The following FASTKD2 variants were observed in gnomAD, a reference collection of about 807,000 sequenced individuals.
The protein encoded by FASTKD2 is FAST kinase domain-containing protein 2, mitochondrial.
FASTKD2 carries 51 observed loss-of-function variants against 63.6 expected under a neutral mutation model. That is an observed-to-expected ratio of 0.80 (90% CI 0.64 to 1.01). The LOEUF is 1.01. Among genes scored for constraint, FASTKD2 ranks in the 50% least tolerant of loss-of-function variants. FASTKD2 has a pLI of 0.00. For synonymous variants in FASTKD2, 284 were observed against 293.4 expected (o/e 0.97, Z 0.33); for missense variants, 786 against 831.1 (o/e 0.95, Z 0.67).
At chr2:206,781,592 A>G (rs979820902) in intron 7 of FASTKD2, among the ~76,000 whole-genome samples, 2 of 151,596 alleles carry the variant, frequency 1.3e-5, no homozygotes, top group African/African-American at 4.8e-5. Context: ...CTGGGATTAC[A>G]GGCATGAGCC....
Position 206,772,171 on chromosome 2 carries a change from A to G in FASTKD2, c.1115-10A>G, listed in dbSNP as rs747618392. On this transcript the variant is annotated splice_polypyrimidine_tract_variant and intron_variant, in intron 5 of 11. Transcript: ENST00000402774. ...TAATTTTTGTTTGTTTATTTAACTC[A>G]TTCTTCAAGATAATATCCATGGGTG... 36 of 1,610,756 alleles carry G rather than the reference A, an allele frequency of 2.2e-5. No individual in the cohort carries two copies. The highest frequency in any genetic ancestry group is 1.3e-4 in the African/African-American group (10 of 74,874).
In FASTKD2 at chr2:206,767,318, A is replaced by C. The variant is rs146763857; in HGVS notation, c.625A>C (p.Ser209Arg). The change falls in exon 2 of 12, where the codon AGC (serine) becomes CGC (arginine). Residue 209 changes from serine (S) to arginine (R), a missense_variant. Coordinates refer to ENST00000402774, the MANE Select transcript of FASTKD2 (RefSeq NM_001136193.2). ...QKRFEKRLMF[S>R]HPAFNQLCEH... ...GCGCTTTGAAAAACGACTGATGTTT[A>C]GCCACCCTGCATTTAATCAGCTCTG... 1.9e-5 allele frequency: 31 copies of C among 1,614,084 alleles called. No individual in the cohort carries two copies. In the African/African-American group the frequency reaches 4.1e-4, roughly 22 times the overall value.
chr2:206,770,160 T>A lies in FASTKD2; in HGVS notation c.847T>A (p.Cys283Ser). 6.2e-7 allele frequency: 1 copy of A among 1,610,880 alleles called. No homozygotes were observed. Among genetic ancestry groups the A allele is most frequent in the Admixed American group, 1.7e-5 (1 of 60,020 alleles). Residue 283 changes from cysteine (C) to serine (S), a missense_variant, in exon 3 of 12, where the codon TGC becomes AGC. Cys to Ser is a moderately radical substitution (Grantham distance 112, BLOSUM62 -1). Transcript: ENST00000402774. ...LSTVLEAMEP[C>S]KNVHVLRTGF... is the part of the protein sequence containing the mutation. ...AACTGTTTTAGAGGCAATGGAACCA[T>A]GCAAGAATGTTCATGTTCTACGAAC... is the stretch of plus-strand genomic sequence containing the variant.
chr2:206,766,315 A>G (rs1428684719), intron 1 of FASTKD2, among the ~76,000 whole-genome samples: 1 of 151,338 alleles, frequency 6.6e-6, no homozygotes, highest in Non-Finnish European at 1.5e-5. Context: ...TGATCTATCA[A>G]TGCTAATCCC....
intron 1 of FASTKD2, among the ~76,000 whole-genome samples, chr2:206,766,031 G>C (rs1189002578): frequency 6.6e-6 from 1 of 151,920 alleles, no homozygotes; most frequent in African/African-American, 2.4e-5. Context: ...AGGCCGAGGC[G>C]GGTGGATTAC....
intron 7 of FASTKD2, among the ~76,000 whole-genome samples, chr2:206,776,226 A>G (rs1264866465): frequency 6.6e-6 from 1 of 151,740 alleles, no homozygotes; most frequent in Non-Finnish European, 1.5e-5. Flanking sequence ...AGCAATAAGC[A>G]TAAATATATG....
chr2:206,775,837 A>G (rs80241580), intron 7 of FASTKD2, among the ~76,000 whole-genome samples: 1,907 of 152,078 alleles, frequency 0.013, 42 homozygotes, highest in African/African-American at 0.043. Context: ...TTGTAGTCCT[A>G]TCAACATTGT....
In FASTKD2 at chr2:206,771,183, A is replaced by T; in HGVS notation, c.883A>T (p.Ile295Leu). The T allele has an allele frequency of 1.3e-6, 2 of 1,513,764 alleles. No individual in the cohort carries two copies. The highest frequency in any genetic ancestry group is 1.8e-6 in the Non-Finnish European group (2 of 1,089,040). The allele number at this position is 1,513,764 out of a possible 1,614,324, so 93.8% of individuals were successfully genotyped here. A position where few individuals can be genotyped will look rare whatever the true frequency, so the allele number is the denominator to read the frequency against. The change falls in exon 4 of 12, where the codon ATA (isoleucine) becomes TTA (leucine). Residue 295 changes from isoleucine (I) to leucine (L), a missense_variant and splice_region_variant. Transcript: ENST00000402774. ...AATATTTATTGTGTTTGATAACAGAATACTAGTTGATCAGCAAGTTTGGAA... is the reference window on the plus strand; with the variant it reads ...AATATTTATTGTGTTTGATAACAGATTACTAGTTGATCAGCAAGTTTGGAA... Reference protein sequence around the residue: ...NVHVLRTGFRILVDQQVWKIE... With the variant: ...NVHVLRTGFRLLVDQQVWKIE...
In FASTKD2 at chr2:206,786,841, C is replaced by G; in HGVS notation, c.1536C>G (p.Pro512=). ...VYSFCLMNYF[P]LAPFNQLLQK... ...CATTTTGCTTGATGAATTACTTTCCCCTGGCTCCTTTTAATCAGCTTCTGC... is the reference window on the plus strand; with the variant it reads ...CATTTTGCTTGATGAATTACTTTCCGCTGGCTCCTTTTAATCAGCTTCTGC... Residue 512 remains proline (P), a synonymous_variant, in exon 8 of 12, where the codon CCC becomes CCG. Coordinates refer to ENST00000402774, the MANE Select transcript of FASTKD2 (RefSeq NM_001136193.2). 6.2e-7 allele frequency: 1 copy of G among 1,613,710 alleles called. No individual in the cohort carries two copies. The highest frequency in any genetic ancestry group is 8.5e-7 in the Non-Finnish European group (1 of 1,179,760).
intron 6 of FASTKD2, among the ~76,000 whole-genome samples, chr2:206,773,037 G>A (rs1233470822): frequency 6.6e-6 from 1 of 152,040 alleles, no homozygotes; most frequent in Non-Finnish European, 1.5e-5. Flanking sequence ...TGTATGGGCT[G>A]GGCGCGGTGG....
intron 3 of FASTKD2, among the ~76,000 whole-genome samples, chr2:206,770,699 C>T (rs1277148554): frequency 7.0e-6 from 1 of 143,286 alleles, no homozygotes; most frequent in East Asian, 2.0e-4. Context: ...CACTGCACTC[C>T]AGCCTGGGCA....
At chr2:206,787,535 C>A (rs1024833481) in intron 8 of FASTKD2, among the ~76,000 whole-genome samples, 3 of 152,276 alleles carry the variant, frequency 2.0e-5, no homozygotes, top group Admixed American at 1.3e-4. Context: ...TGTAGAGAGT[C>A]AGTCAATAAT....
At chr2:206,773,745 G>A (rs1352090469) in intron 6 of FASTKD2, among the ~76,000 whole-genome samples, 3 of 152,024 alleles carry the variant, frequency 2.0e-5, no homozygotes. Context: ...TAATCATAAT[G>A]TTTCAGTTCC....
chr2:206,774,268 C>T lies in FASTKD2; in HGVS notation c.1298C>T (p.Pro433Leu). ...LILFENLGFRPVGLMDLFMKR... is the reference protein window; with the variant it reads ...LILFENLGFRLVGLMDLFMKR... Reference sequence around the variant, plus strand: ...TTATTTGAAAACCTTGGCTTTCGACCTGTTGGTTTAATGGACCTGTTTATG... The same window carrying T: ...TTATTTGAAAACCTTGGCTTTCGACTTGTTGGTTTAATGGACCTGTTTATG... Residue 433 changes from proline (P) to leucine (L), a missense_variant, in exon 7 of 12, where the codon CCT (proline) becomes CTT (leucine). Transcript: ENST00000402774. 6.2e-7 allele frequency: 1 copy of T among 1,611,802 alleles called. No homozygotes were observed. The highest frequency in any genetic ancestry group is 1.7e-5 in the Admixed American group (1 of 59,962).
chr2:206,780,589 A>G (rs941951077), intron 7 of FASTKD2, among the ~76,000 whole-genome samples: 1 of 152,050 alleles, frequency 6.6e-6, no homozygotes, highest in Non-Finnish European at 1.5e-5. Flanking sequence ...ATCTTAATGT[A>G]TGTTTCTTTG....
intron 7 of FASTKD2, among the ~76,000 whole-genome samples, chr2:206,785,081 A>G (rs928091230): frequency 7.2e-5 from 11 of 152,194 alleles, no homozygotes; most frequent in African/African-American, 2.4e-4. Context: ...CACATCTCAC[A>G]GGGCAGCAGA....
At chr2:206,788,267 T>C (rs1690189298) in intron 9 of FASTKD2, 112 bp downstream of exon 9, 4 of 693,316 alleles carry the variant, frequency 5.8e-6, no homozygotes. Flanking sequence ...GCATTGCCTC[T>C]GGAACTGGCC....
At position 206,770,122 on chromosome 2, in the gene FASTKD2, T is replaced by G. The variant is rs753342843; in HGVS notation, c.809T>G (p.Leu270Arg). The change falls in exon 3 of 12, where the codon CTT becomes CGT. Residue 270 changes from leucine to arginine, a missense_variant. Transcript: ENST00000402774. ...ATCAATGAGTGTGATGAGATATGCCTTTCAGTTTTGTCAACTGTTTTAGAG... is the reference window on the plus strand; with the variant it reads ...ATCAATGAGTGTGATGAGATATGCCGTTCAGTTTTGTCAACTGTTTTAGAG... Reference protein sequence around the residue: ...ERINECDEICLSVLSTVLEAM... With the variant: ...ERINECDEICRSVLSTVLEAM... The G allele has an allele frequency of 1.2e-6, 2 of 1,610,706 alleles. No individual in the cohort carries two copies. Among genetic ancestry groups the G allele is most frequent in the Non-Finnish European group, 1.7e-6 (2 of 1,176,844 alleles).
chr2:206,795,718 T>C lies in FASTKD2; in HGVS notation c.*3916T>C, dbSNP rs559799377. Among the ~76,000 whole-genome samples, 77 of 152,230 alleles carry C rather than the reference T, an allele frequency of 5.1e-4. No homozygotes were observed. The highest frequency in any genetic ancestry group is 1.5e-3 in the African/African-American group (61 of 41,554). ...TTGAAACTGGGAAGGCCAAATGAGA[T>C]AGAGGTAATGTTTCTGCCAACAAAC... is the stretch of plus-strand genomic sequence containing the variant. On this transcript the variant is annotated 3_prime_UTR_variant, in exon 12 of 12. Transcript: ENST00000402774.
Sources: allele counts gnomAD v4.1 joint callset (sites outside exome capture counted in the v4.1 genomes callset), GRCh38; gene constraint gnomAD v4.1.1; transcripts MANE v1.5; gene names NCBI Gene and HGNC (gene_info 2026-07-23, HGNC 2026-07-21).